The following FRMPD4 variants were observed in gnomAD, a reference collection of about 807,000 sequenced individuals.
FRMPD4 encodes FERM and PDZ domain containing 4.
A neutral mutation model predicts 94.1 loss-of-function variants in FRMPD4; 22 were observed. The observed-to-expected ratio is 0.23, with a 90% CI of 0.17 to 0.33. The LOEUF is 0.33. Among genes scored for constraint, FRMPD4 ranks in the 10% least tolerant of loss-of-function variants. The pLI, the probability that FRMPD4 is intolerant of heterozygous loss-of-function variation, is 1.00. For missense variants in FRMPD4, 1,111 were observed against 1,339.9 expected (o/e 0.83, Z 2.67); for synonymous variants, 631 against 548.6 (o/e 1.15, Z -2.10).
intron 1 of FRMPD4, among the ~76,000 whole-genome samples, chrX:12,153,225 C>T (rs769564911): frequency 3.6e-5 from 4 of 111,602 alleles, no homozygotes; most frequent in South Asian, 7.6e-4. Flanking sequence ...CGTGAGCCAC[C>T]GCGAGCTTAT....
chrX:12,157,999 A>G (rs1009026457), intron 1 of FRMPD4, among the ~76,000 whole-genome samples: 1 of 112,073 alleles, frequency 8.9e-6, no homozygotes, highest in Non-Finnish European at 1.9e-5. Context: ...TAGACAGAGA[A>G]TGGGGAAATA....
In FRMPD4 at chrX:11,956,942, T is replaced by A. The variant is rs2054260378; in HGVS notation, c.95+78924T>A. On this transcript the variant is annotated intron_variant, in intron 3 of 18. Transcript: ENST00000640291. ...ATACTCACAAGAGGCTGGCTTACAATCACAGTAACACTTGTTTACACTGAG... is the reference window on the plus strand; with the variant it reads ...ATACTCACAAGAGGCTGGCTTACAAACACAGTAACACTTGTTTACACTGAG... 2.7e-5 allele frequency among the ~76,000 whole-genome samples: 3 copies of A among 111,935 alleles called. No homozygotes were observed. The South Asian group carries it at 1.1e-3, about 42-fold the overall frequency.
intron 1 of FRMPD4, among the ~76,000 whole-genome samples, chrX:12,468,643 G>A (rs2057475601): frequency 9.0e-6 from 1 of 111,520 alleles, no homozygotes; most frequent in African/African-American, 3.3e-5. Context: ...CATAATTTGA[G>A]GTTTACAAGC....
At chrX:12,495,714 C>T (rs1431603964) in intron 1 of FRMPD4, among the ~76,000 whole-genome samples, 3 of 110,172 alleles carry the variant, frequency 2.7e-5, no homozygotes, top group Non-Finnish European at 5.7e-5. Flanking sequence ...TCCTCTCCTA[C>T]CTTGTCAGCT....
Position 12,710,526 on chromosome X carries a change from C to T in FRMPD4, c.1598C>T (p.Thr533Ile). Residue 533 changes from threonine to isoleucine, a missense_variant, in exon 14 of 17, where the codon ACC becomes ATC. This residue lies in a region of FRMPD4 where 192 missense variants were observed against 192.5 expected (regional missense o/e 1.00). Coordinates refer to ENST00000675598, the MANE Select transcript of FRMPD4 (RefSeq NM_001368397.1). ...FNMANKKNTA[T>I]QETGPENKGK... ...ATGGCCAACAAGAAAAACACAGCGACCCAGGAAACAGGTATTCTCTTCCTG... is the reference window on the plus strand; with the variant it reads ...ATGGCCAACAAGAAAAACACAGCGATCCAGGAAACAGGTATTCTCTTCCTG... 1 of 1,206,688 alleles carries T rather than the reference C, an allele frequency of 8.3e-7. No homozygotes were observed. The highest frequency in any genetic ancestry group is 2.2e-5 in the Admixed American group (1 of 45,898).
intron 9 of FRMPD4, among the ~76,000 whole-genome samples, chrX:12,697,136 T>C (rs1045503349): frequency 1.8e-5 from 2 of 112,404 alleles, no homozygotes; most frequent in African/African-American, 6.5e-5. Flanking sequence ...AAATGTGTAG[T>C]GTGCTTTAAA....
chrX:12,265,921 G>T (rs1283869576), intron 1 of FRMPD4, among the ~76,000 whole-genome samples: 3 of 108,975 alleles, frequency 2.8e-5, no homozygotes, highest in Non-Finnish European at 5.7e-5. Context: ...GAGGTCAGGA[G>T]ATCGAGACCA....
chrX:12,707,704 A>T, intron 13 of FRMPD4, 53 bp downstream of exon 13: 2 of 947,023 alleles, frequency 2.1e-6, no homozygotes, highest in Non-Finnish European at 1.5e-6. Flanking sequence ...CTAATTTCTG[A>T]TAACACTGCA....
At chrX:12,391,644 G>C (rs750369531) in intron 1 of FRMPD4, among the ~76,000 whole-genome samples, 1 of 111,325 alleles carries the variant, frequency 9.0e-6, no homozygotes, top group South Asian at 3.9e-4. Context: ...GAAGCCACGT[G>C]CTTTGACTTC....
At chrX:12,406,490 C>G (rs777459503) in intron 1 of FRMPD4, among the ~76,000 whole-genome samples, 2 of 112,277 alleles carry the variant, frequency 1.8e-5, no homozygotes, top group Non-Finnish European at 3.8e-5. Context: ...TCACCACAGT[C>G]TCTTGCCCTT....
At chrX:12,575,486 T>A (rs1224508003) in intron 2 of FRMPD4, among the ~76,000 whole-genome samples, 1 of 111,278 alleles carries the variant, frequency 9.0e-6, no homozygotes, top group Non-Finnish European at 1.9e-5. Flanking sequence ...AATTCCCCTT[T>A]GAGAACCTGT....
chrX:12,234,240 A>G lies in FRMPD4; in HGVS notation c.41+95228A>G, dbSNP rs190168404. 1.9e-3 allele frequency among the ~76,000 whole-genome samples: 208 copies of G among 111,666 alleles called. 1 individual carries two copies. Among genetic ancestry groups the G allele is most frequent in the African/African-American group, 6.4e-3 (197 of 30,750 alleles). On this transcript the variant is annotated intron_variant, in intron 1 of 16. Coordinates refer to ENST00000675598, the MANE Select transcript of FRMPD4 (RefSeq NM_001368397.1). ...CTACAGAGGATGTTCTTTCAATGTTATATTTTAATGTAATGTTAATGGTCT... is the reference window on the plus strand; with the variant it reads ...CTACAGAGGATGTTCTTTCAATGTTGTATTTTAATGTAATGTTAATGGTCT...
At chrX:11,874,641 T>C (rs1003925180) in intron 2 of FRMPD4, among the ~76,000 whole-genome samples, 1 of 111,821 alleles carries the variant, frequency 8.9e-6, no homozygotes, top group Non-Finnish European at 1.9e-5. Context: ...ACATGGAGCT[T>C]GCATTCTACA....
intron 1 of FRMPD4, among the ~76,000 whole-genome samples, chrX:12,165,402 G>T (rs2056098837): frequency 9.0e-6 from 1 of 111,565 alleles, no homozygotes; most frequent in Admixed American, 9.5e-5. Flanking sequence ...CTGTTCTATT[G>T]GTCTATATCT....
rs145069768 is a variant in FRMPD4, at chrX:11,872,747, G to A, written c.-29-5148G>A. ...ATTTTGAGTTAACACTGTATCAGCC[G>A]TATAAGAAGGGCTGAAATCTATACC... On this transcript the variant is annotated intron_variant, in intron 2 of 18. Coordinates refer to the FRMPD4 transcript ENST00000640291. 2.1e-3 allele frequency among the ~76,000 whole-genome samples: 241 copies of A among 112,325 alleles called. 1 individual carries two copies. Among genetic ancestry groups the A allele is most frequent in the African/African-American group, 6.5e-3 (202 of 31,000 alleles).
chrX:12,125,412 C>A (rs186200277), intron 3 of FRMPD4, among the ~76,000 whole-genome samples: 12 of 112,108 alleles, frequency 1.1e-4, no homozygotes, highest in African/African-American at 3.9e-4. Flanking sequence ...CTCAAATATA[C>A]AAGAAACCCA....
At chrX:12,035,573 C>T (rs1247351386) in intron 3 of FRMPD4, among the ~76,000 whole-genome samples, 1 of 112,035 alleles carries the variant, frequency 8.9e-6, no homozygotes, top group Non-Finnish European at 1.9e-5. Flanking sequence ...GGAACTAAAT[C>T]ATTGGAGCTT....
At chrX:12,014,809 G>A (rs1441651509) in intron 3 of FRMPD4, among the ~76,000 whole-genome samples, 1 of 111,358 alleles carries the variant, frequency 9.0e-6, no homozygotes, top group Non-Finnish European at 1.9e-5. Flanking sequence ...TTGAGTATAA[G>A]CTTCAGTGGA....
intron 2 of FRMPD4, among the ~76,000 whole-genome samples, chrX:12,508,240 C>G (rs2058005738): frequency 9.2e-6 from 1 of 108,194 alleles, no homozygotes; most frequent in South Asian, 4.0e-4. Context: ...TCACCATTCT[C>G]CTTTTGCTCC....
Sources: gnomAD v4.1 joint callset for allele counts (sites outside exome capture counted in the v4.1 genomes callset) on GRCh38, gnomAD v4.1.1 for gene constraint, gnomAD v4.1.1 regional missense constraint, MANE v1.5 for transcripts, NCBI Gene and HGNC (gene_info 2026-07-23, HGNC 2026-07-21) for gene names.